Variants in RHOBTB1 observed in about 807,000 individuals in gnomAD.
RHOBTB1 encodes rho-related BTB domain-containing protein 1.
In RHOBTB1, 40 loss-of-function variants were observed where a neutral mutation model predicts 71.6. The ratio of observed to expected loss-of-function variants is 0.56; its 90% confidence interval spans 0.43 to 0.73. RHOBTB1 has a LOEUF of 0.73. Ranked by LOEUF, RHOBTB1 falls within the 30% of genes least tolerant of loss-of-function variation. The pLI, the probability that RHOBTB1 is intolerant of heterozygous loss-of-function variation, is 0.00. For missense variants in RHOBTB1, 797 were observed against 894.0 expected (o/e 0.89, Z 1.38); for synonymous variants, 319 against 334.9 (o/e 0.95, Z 0.52).
At chr10:60,920,452 G>A (rs1380580962) in intron 2 of RHOBTB1, among the ~76,000 whole-genome samples, 1 of 152,116 alleles carries the variant, frequency 6.6e-6, no homozygotes, top group Non-Finnish European at 1.5e-5. Flanking sequence ...GAGGAAACAG[G>A]CCTGAAGAGC....
chr10:60,984,443 G>C (rs2134850887), intron 2 of RHOBTB1, among the ~76,000 whole-genome samples: 1 of 152,308 alleles, frequency 6.6e-6, no homozygotes, highest in South Asian at 2.1e-4. Flanking sequence ...CTTAATGAGA[G>C]ATATTATTAC....
At chr10:60,927,932 C>T (rs1190455626) in intron 2 of RHOBTB1, among the ~76,000 whole-genome samples, 2 of 152,072 alleles carry the variant, frequency 1.3e-5, no homozygotes, top group African/African-American at 4.8e-5. Context: ...AATTACCCAT[C>T]TGACAAGGGA....
At chr10:60,893,526 T>G (rs2082023382) in intron 4 of RHOBTB1, among the ~76,000 whole-genome samples, 1 of 152,208 alleles carries the variant, frequency 6.6e-6, no homozygotes, top group African/African-American at 2.4e-5. Context: ...TGCACACATG[T>G]AGACAGCATA....
At chr10:60,862,633 C>G in the RHOBTB1 span, among the ~76,000 whole-genome samples, 1 of 144,892 alleles carries the variant, frequency 6.9e-6, no homozygotes, top group Non-Finnish European at 1.5e-5. Flanking sequence ...CCTTCCTTCT[C>G]TTTTTCCTTT....
At chr10:60,883,627 C>T (rs929256291) in intron 7 of RHOBTB1, among the ~76,000 whole-genome samples, 3 of 152,176 alleles carry the variant, frequency 2.0e-5, no homozygotes, top group Non-Finnish European at 4.4e-5. Flanking sequence ...CAGTCAAATA[C>T]CAACTGGATG....
At chr10:60,864,308 T>G in the RHOBTB1 span, among the ~76,000 whole-genome samples, 7 of 152,186 alleles carry the variant, frequency 4.6e-5, no homozygotes, top group African/African-American at 1.7e-4. Flanking sequence ...TCACAACGCA[T>G]GGCCATAACA....
chr10:60,911,316 C>A (rs1312409450), intron 3 of RHOBTB1, 35 bp downstream of exon 3: 1 of 1,578,570 alleles, frequency 6.3e-7, no homozygotes, highest in African/African-American at 1.3e-5. Flanking sequence ...CAATGATGTG[C>A]CCTAGGGATG....
At chr10:60,907,753 G>A (rs934440369) in intron 4 of RHOBTB1, among the ~76,000 whole-genome samples, 2 of 152,138 alleles carry the variant, frequency 1.3e-5, no homozygotes, top group African/African-American at 4.8e-5. Flanking sequence ...AAATCCAAAA[G>A]AGCAAATAGA....
chr10:60,884,049 G>T (rs2081452081), intron 7 of RHOBTB1, among the ~76,000 whole-genome samples: 1 of 152,192 alleles, frequency 6.6e-6, no homozygotes, highest in Non-Finnish European at 1.5e-5. Context: ...CACCATAAGA[G>T]GCCATCAGGA....
chr10:60,987,995 G>A (rs10994592), intron 1 of RHOBTB1, among the ~76,000 whole-genome samples: 74,815 of 142,954 alleles, frequency 0.52, 19,631 homozygotes, highest in East Asian at 0.78. Context: ...GTGCACTGGC[G>A]CGATCTCAGC....
intron 2 of RHOBTB1, among the ~76,000 whole-genome samples, chr10:60,956,272 A>T (rs1349520440): frequency 6.6e-6 from 1 of 152,198 alleles, no homozygotes; most frequent in African/African-American, 2.4e-5. Flanking sequence ...AAGACTAAAA[A>T]AATGGTATGC....
At chr10:60,925,311 A>G (rs943353702) in intron 2 of RHOBTB1, among the ~76,000 whole-genome samples, 1 of 152,226 alleles carries the variant, frequency 6.6e-6, no homozygotes. Context: ...GCAAGAAAAG[A>G]CTAATATGCT....
chr10:60,977,085 C>T (rs545116385), intron 2 of RHOBTB1, among the ~76,000 whole-genome samples: 106 of 152,042 alleles, frequency 7.0e-4, no homozygotes, highest in African/African-American at 2.2e-3. Context: ...AAAGAAGGCA[C>T]GTTTCTAATT....
intron 1 of RHOBTB1, among the ~76,000 whole-genome samples, chr10:60,942,375 T>A (rs1427822066): frequency 6.6e-6 from 1 of 152,232 alleles, no homozygotes; most frequent in African/African-American, 2.4e-5. Flanking sequence ...AGAGCCTGTG[T>A]TATGCACTTA....
intron 4 of RHOBTB1, among the ~76,000 whole-genome samples, chr10:60,895,995 T>A (rs926509815): frequency 6.6e-6 from 1 of 152,252 alleles, no homozygotes; most frequent in Non-Finnish European, 1.5e-5. Context: ...CTCTGTGATA[T>A]AAACACATAT....
the RHOBTB1 span, among the ~76,000 whole-genome samples, chr10:60,862,338 C>G: frequency 1.3e-5 from 2 of 152,078 alleles, no homozygotes; most frequent in Non-Finnish European, 2.9e-5. Context: ...GCTGAGACTA[C>G]AGGTGCCTGC....
At chr10:60,905,858 T>C (rs1046026873) in intron 4 of RHOBTB1, among the ~76,000 whole-genome samples, 3 of 152,150 alleles carry the variant, frequency 2.0e-5, no homozygotes, top group Admixed American at 2.0e-4. Context: ...TTGCTTGCCG[T>C]AAAACACAAG....
At chr10:60,972,072 T>C (rs561400019) in intron 2 of RHOBTB1, among the ~76,000 whole-genome samples, 8 of 152,236 alleles carry the variant, frequency 5.3e-5, no homozygotes, top group East Asian at 3.9e-4. Flanking sequence ...GAAATAGGAA[T>C]GCTTTTACAT....
intron 2 of RHOBTB1, among the ~76,000 whole-genome samples, chr10:60,980,456 G>T (rs2086459930): frequency 6.6e-6 from 1 of 152,028 alleles, no homozygotes; most frequent in African/African-American, 2.4e-5. Context: ...ACATTGTCTG[G>T]GTTGTGGAAT....
Sources: allele counts gnomAD v4.1 joint callset (sites outside exome capture counted in the v4.1 genomes callset), GRCh38; gene constraint gnomAD v4.1.1; transcripts MANE v1.5; gene names NCBI Gene and HGNC (gene_info 2026-07-23, HGNC 2026-07-21).